The following EXOSC2 variants were observed in gnomAD, a reference collection of about 807,000 sequenced individuals.
EXOSC2 encodes exosome complex component RRP4.
A neutral mutation model predicts 37.6 loss-of-function variants in EXOSC2; 29 were observed. The observed-to-expected ratio is 0.77, with a 90% CI of 0.57 to 1.05. The LOEUF (loss-of-function observed/expected upper bound fraction) is 1.05. Ranked by LOEUF, EXOSC2 falls within the 50% of genes least tolerant of loss-of-function variation. EXOSC2 has a pLI of 0.00. For synonymous variants in EXOSC2, 119 were observed against 131.1 expected, an observed-to-expected ratio of 0.91 and a Z score of 0.63; for missense variants, 346 against 365.6, an observed-to-expected ratio of 0.95 and a Z score of 0.44.
intron 2 of EXOSC2, among the ~76,000 whole-genome samples, chr9:130,696,410 G>A (rs2132628696): frequency 6.6e-6 from 1 of 152,280 alleles, no homozygotes; most frequent in African/African-American, 2.4e-5. Flanking sequence ...ACTGGAAGGG[G>A]TGGAGCAGAG....
intron 3 of EXOSC2, 170 bp downstream of exon 3, chr9:130,697,797 T>C (rs1020091248): frequency 9.2e-6 from 6 of 649,514 alleles, no homozygotes; most frequent in South Asian, 5.7e-5. Flanking sequence ...TACTGGTTCA[T>C]GTTTTTTTTT....
chr9:130,701,020 C>A, intron 6 of EXOSC2, 85 bp downstream of exon 6: 2 of 1,312,928 alleles, frequency 1.5e-6, no homozygotes, highest in Non-Finnish European at 2.2e-6. Context: ...GAATTCTGGC[C>A]TAAAGAACCC....
chr9:130,703,795 G>T lies in EXOSC2; in HGVS notation c.*21G>T. The T allele has an allele frequency of 6.3e-7, 1 of 1,598,962 alleles. No homozygotes were observed. The highest frequency in any genetic ancestry group is 8.6e-7 in the Non-Finnish European group (1 of 1,168,502). On this transcript the variant is annotated 3_prime_UTR_variant, in exon 9 of 9. Transcript: ENST00000372358. ...GATAAGGAGGTGCTCCAGAAGCACG[G>T]GACTGTGGACCTTGCAGGAGTGAAG...
intron 6 of EXOSC2, chr9:130,701,652 C>T (rs979236271): frequency 8.2e-6 from 8 of 979,382 alleles, no homozygotes; most frequent in African/African-American, 5.3e-5. Context: ...CTTGGCAGGA[C>T]GTGGACTTGA....
intron 5 of EXOSC2, 109 bp downstream of exon 5, chr9:130,699,503 C>T: frequency 1.8e-6 from 2 of 1,130,384 alleles, no homozygotes; most frequent in Non-Finnish European, 2.7e-6. Flanking sequence ...TTGCAGGGAT[C>T]CGAGTCTTAG....
chr9:130,701,869 T>C, intron 6 of EXOSC2: 4 of 1,217,980 alleles, frequency 3.3e-6, no homozygotes, highest in Non-Finnish European at 4.1e-6. Context: ...GGCACATGAG[T>C]TCTGGCTTAG....
At chr9:130,697,793 T>C in intron 3 of EXOSC2, 166 bp downstream of exon 3, 1 of 666,878 alleles carries the variant, frequency 1.5e-6, no homozygotes, top group Non-Finnish European at 2.6e-6. Context: ...AGATTACTGG[T>C]TCATGTTTTT....
intron 6 of EXOSC2, chr9:130,701,621 C>G (rs1169241993): frequency 1.0e-5 from 10 of 987,304 alleles, no homozygotes; most frequent in African/African-American, 3.5e-5. Context: ...CTTTCACAAC[C>G]CTGGGTCCTG....
In EXOSC2 at chr9:130,703,086, C is replaced by T. The variant is rs532025583; in HGVS notation, c.706C>T (p.Arg236Trp). Residue 236 changes from arginine to tryptophan, a missense_variant, in exon 8 of 9, where the codon CGG becomes TGG. Coordinates refer to ENST00000372358, the MANE Select transcript of EXOSC2 (RefSeq NM_014285.7). ...TCTTGCTGATCGAGAGGTGATATCC[C>T]GGCTTCGGAACTGCATCATCTCGCT... ...VSLADREVISRLRNCIISLVT... is the reference protein window; with the variant it reads ...VSLADREVISWLRNCIISLVT... 2.7e-5 allele frequency: 43 copies of T among 1,613,664 alleles called. No individual in the cohort carries two copies. The highest frequency in any genetic ancestry group is 4.5e-5 in the East Asian group (2 of 44,882).
chr9:130,701,876 T>A, intron 6 of EXOSC2: 2 of 1,255,362 alleles, frequency 1.6e-6, no homozygotes. Context: ...GAGTTCTGGC[T>A]TAGAGTGCAA....
Position 130,699,404 on chromosome 9 carries a change from G to A in EXOSC2, c.426+10G>A, listed in dbSNP as rs780105414. 6.8e-6 allele frequency: 11 copies of A among 1,613,642 alleles called. No homozygotes were observed. The highest frequency in any genetic ancestry group is 4.5e-5 in the East Asian group (2 of 44,884). On this transcript the variant is annotated intron_variant, in intron 5 of 8. Transcript: ENST00000372358. ...AGGGGACCTTATCAGTGTATCCTGC[G>A]CTTTGCACTCCAGCCTCTTGATGCT...
rs915699181 is a variant in EXOSC2, at chr9:130,693,867, C to A, written c.76C>A (p.Leu26Ile). The A allele has an allele frequency of 3.1e-6, 5 of 1,612,672 alleles. No homozygotes were observed. The highest frequency in any genetic ancestry group is 4.2e-6 in the Non-Finnish European group (5 of 1,178,972). Residue 26 changes from leucine (L) to isoleucine (I), a missense_variant, in exon 1 of 9, where the codon CTA (leucine) becomes ATA (isoleucine). Coordinates refer to ENST00000372358, the MANE Select transcript of EXOSC2 (RefSeq NM_014285.7). ...ERLGRDTKKH[L>I]VVPGDTITTD... ...ACTGGGCCGCGACACTAAGAAACATCTAGTGGTGCCGGGGGATACAATCAC... is the reference window on the plus strand; with the variant it reads ...ACTGGGCCGCGACACTAAGAAACATATAGTGGTGCCGGGGGATACAATCAC...
At chr9:130,701,363 T>C (rs1015339964) in intron 6 of EXOSC2, 1 of 158,144 alleles carries the variant, frequency 6.3e-6, no homozygotes. Flanking sequence ...CAAAGCTTGC[T>C]CTGTCATCTG....
At chr9:130,702,618 G>A (rs540236945) in intron 7 of EXOSC2, among the ~76,000 whole-genome samples, 15 of 151,968 alleles carry the variant, frequency 9.9e-5, no homozygotes, top group East Asian at 1.9e-4. Context: ...GTTTTGAGAC[G>A]GAGTCTTGCT....
chr9:130,702,772 T>C (rs1344731395), intron 7 of EXOSC2, among the ~76,000 whole-genome samples: 1 of 152,064 alleles, frequency 6.6e-6, no homozygotes, highest in Non-Finnish European at 1.5e-5. Flanking sequence ...TTTATCTATT[T>C]TTAGTAGAGA....
chr9:130,703,311 T>A, intron 8 of EXOSC2, 130 bp downstream of exon 8: 1 of 1,035,442 alleles, frequency 9.7e-7, no homozygotes, highest in Non-Finnish European at 1.4e-6. Flanking sequence ...GAAACAGCCT[T>A]AATGAGTGTC....
In EXOSC2 at chr9:130,693,805, T is replaced by C. The variant is rs769145406; in HGVS notation, c.14T>C (p.Met5Thr). The change falls in exon 1 of 9, where the codon ATG becomes ACG. Residue 5 changes from methionine to threonine, a missense_variant. Met to Thr is a moderately conservative substitution (Grantham distance 81, BLOSUM62 -1). Transcript: ENST00000372358. MAME[M>T]RLPVARKPLS... is the part of the protein sequence containing the mutation. ...ATTGGCGCCAAGATGGCGATGGAGA[T>C]GAGGCTTCCAGTGGCTCGCAAGCCT... The C allele has an allele frequency of 1.2e-6, 2 of 1,607,140 alleles. No homozygotes were observed. Among genetic ancestry groups the C allele is most frequent in the Admixed American group, 1.7e-5 (1 of 59,520 alleles).
chr9:130,694,216 T>C lies in EXOSC2; in HGVS notation c.122+303T>C, dbSNP rs887395975. ...CTTCCTTGTGGGAGACCTGGAAAGC[T>C]GGGGAGGGTTAGGTGCAGGCTCTTT... On this transcript the variant is annotated intron_variant, in intron 1 of 8. Transcript: ENST00000372358. This position sits in a 1 kb window ranked among gnomAD's most constrained non-coding sequence, Gnocchi z 4.0. Among the ~76,000 whole-genome samples the C allele has an allele frequency of 4.6e-5, 7 of 152,090 alleles. No homozygotes were observed. The highest frequency in any genetic ancestry group is 1.7e-4 in the African/African-American group (7 of 41,414).
intron 2 of EXOSC2, 68 bp downstream of exon 2, chr9:130,695,661 C>G: frequency 1.5e-6 from 2 of 1,360,662 alleles, no homozygotes; most frequent in Admixed American, 1.8e-5. Flanking sequence ...TTTCCTGCCC[C>G]CTCCTTATCC....
Sources: allele counts gnomAD v4.1 joint callset (sites outside exome capture counted in the v4.1 genomes callset), GRCh38; gene constraint gnomAD v4.1.1; non-coding constraint Gnocchi (gnomAD v3.1); transcripts MANE v1.5; gene names NCBI Gene and HGNC (gene_info 2026-07-23, HGNC 2026-07-21).